UGT1A10: variants seen among roughly 807,000 people sequenced by gnomAD.
UGT1A10 encodes UDP glucuronosyltransferase family 1 member A10.
UGT1A10 carries 49 observed loss-of-function variants against 45.8 expected under a neutral mutation model. That is an observed-to-expected ratio of 1.07 (90% CI 0.85 to 1.36). The LOEUF (loss-of-function observed/expected upper bound fraction) is 1.36, where lower values mean the gene tolerates loss of function less well. Among genes scored for constraint, UGT1A10 ranks in the 40% most tolerant of loss-of-function variants. The pLI is 0.00. For missense variants in UGT1A10, 745 were observed against 668.6 expected, an observed-to-expected ratio of 1.11 and a Z score of -1.26; for synonymous variants, 284 against 249.7, an observed-to-expected ratio of 1.14 and a Z score of -1.29.
At chr2:233,671,031 C>T (rs183266242) in intron 1 of UGT1A10, among the ~76,000 whole-genome samples, 4 of 152,244 alleles carry the variant, frequency 2.6e-5, no homozygotes, top group Admixed American at 2.6e-4. Context: ...AACATACAAA[C>T]TATGTCAAAG....
chr2:233,672,520 G>T (rs2074229865), intron 1 of UGT1A10: 2 of 1,613,744 alleles, frequency 1.2e-6, no homozygotes, highest in Non-Finnish European at 1.7e-6. Context: ...AATTCTCTTA[G>T]GGTTCTCAGA....
At chr2:233,644,727 G>A (rs1444465149) in intron 1 of UGT1A10, among the ~76,000 whole-genome samples, 9 of 152,172 alleles carry the variant, frequency 5.9e-5, no homozygotes, top group Middle Eastern at 3.4e-3. Context: ...ATGCCACACC[G>A]CCACTGTGGG....
At chr2:233,742,829 C>T (rs1399868443) in intron 1 of UGT1A10, 1 of 154,656 alleles carries the variant, frequency 6.5e-6, no homozygotes, top group Non-Finnish European at 1.4e-5. Context: ...TAGATTTCAC[C>T]ACTACACACT....
chr2:233,683,230 TATC>T lies in UGT1A10; in HGVS notation c.855+45856_855+45858del, dbSNP rs1332464727. On this transcript the variant is annotated intron_variant, in intron 1 of 4. Coordinates refer to ENST00000344644, the MANE Select transcript of UGT1A10 (RefSeq NM_019075.4). ...TCTATTTTATCAATATAAAATCTAC[TATC>T]ATGCTGGCTATGTTTTTTTATGTTA... Among the ~76,000 whole-genome samples, 4 of 152,196 alleles carry T rather than the reference TATC, an allele frequency of 2.6e-5. No individual in the cohort carries two copies. In the East Asian group the frequency reaches 7.7e-4, roughly 29 times the overall value.
At chr2:233,716,309 C>T (rs2076497368) in intron 1 of UGT1A10, among the ~76,000 whole-genome samples, 1 of 152,204 alleles carries the variant, frequency 6.6e-6, no homozygotes, top group Admixed American at 6.5e-5. Flanking sequence ...GTCTCTTCCA[C>T]CTGTAATGGA....
At position 233,679,919 on chromosome 2, in the gene UGT1A10, A is replaced by C. The variant is rs572164677; in HGVS notation, c.855+42542A>C. Among the ~76,000 whole-genome samples, 18 of 152,320 alleles carry C rather than the reference A, an allele frequency of 1.2e-4. No individual in the cohort carries two copies. In the South Asian group the frequency reaches 3.7e-3, roughly 32 times the overall value. ...TAAAGTTGCATTTTCAATATGAGAC[A>C]AAAATGTATTTCACAAAAAGATGCG... On this transcript the variant is annotated intron_variant, in intron 1 of 4. Coordinates refer to ENST00000344644, the MANE Select transcript of UGT1A10 (RefSeq NM_019075.4).
intron 1 of UGT1A10, among the ~76,000 whole-genome samples, chr2:233,734,079 A>C (rs1004495311): frequency 1.5e-4 from 23 of 152,156 alleles, no homozygotes; most frequent in African/African-American, 5.6e-4. Context: ...CACATTGTGC[A>C]CATGCACCCT....
intron 1 of UGT1A10, among the ~76,000 whole-genome samples, chr2:233,722,693 G>A (rs969109813): frequency 2.0e-5 from 3 of 151,938 alleles, no homozygotes; most frequent in Admixed American, 1.3e-4. Context: ...TCTTTTCATT[G>A]CTTTTAGATA....
chr2:233,742,301 A>C (rs1405327803), intron 1 of UGT1A10, among the ~76,000 whole-genome samples: 1 of 152,018 alleles, frequency 6.6e-6, no homozygotes, highest in Admixed American at 6.5e-5. Context: ...TTATAGATTA[A>C]CTAAAAGTAT....
At chr2:233,743,354 T>C in intron 1 of UGT1A10, 1 of 972,108 alleles carries the variant, frequency 1.0e-6, no homozygotes, top group Non-Finnish European at 1.5e-6. Context: ...GACATGGACT[T>C]GAAGCTGCCT....
intron 1 of UGT1A10, chr2:233,761,087 C>G (rs141950052): frequency 6.2e-7 from 1 of 1,614,018 alleles, no homozygotes; most frequent in Non-Finnish European, 8.5e-7. Flanking sequence ...TACCCTAGGC[C>G]CATCATGCCC....
intron 1 of UGT1A10, chr2:233,712,923 A>C (rs769020830): frequency 1.1e-5 from 18 of 1,612,000 alleles, no homozygotes; most frequent in Non-Finnish European, 1.5e-5. Flanking sequence ...AAGGTAATTA[A>C]GACGAAGGAA....
intron 1 of UGT1A10, among the ~76,000 whole-genome samples, chr2:233,681,530 CAAAAAAAAAA>C (rs747693860): frequency 6.4e-5 from 5 of 77,710 alleles, no homozygotes; most frequent in Non-Finnish European, 1.3e-4. Context: ...GACTCCATCT[CAAAAAAAAAA>C]AAAAAAAAAA....
intron 1 of UGT1A10, chr2:233,692,731 C>A: frequency 1.1e-6 from 1 of 943,774 alleles, no homozygotes; most frequent in Non-Finnish European, 1.4e-6. Context: ...TATAACTTTT[C>A]AGAGAGGGAG....
chr2:233,649,167 C>T, intron 1 of UGT1A10: 1 of 472,008 alleles, frequency 2.1e-6, no homozygotes. Context: ...TTGTGCCATC[C>T]ACGTGTTTGT....
Position 233,769,666 on chromosome 2 carries a change from T to C in UGT1A10, c.1295+1227T>C. 1 of 1,592,264 alleles carries C rather than the reference T, an allele frequency of 6.3e-7. No individual in the cohort carries two copies. The highest frequency in any genetic ancestry group is 8.6e-7 in the Non-Finnish European group (1 of 1,169,428). On this transcript the variant is annotated intron_variant, in intron 4 of 4. Transcript: ENST00000344644. This position sits in a 1 kb window ranked among gnomAD's most constrained non-coding sequence, Gnocchi z 4.4. ...GATGACTGACTTCCCACCTTTGAGG[T>C]GCTAATGTGTGTGTGGTGGCACTGG...
chr2:233,637,454 A>G, intron 1 of UGT1A10, 77 bp downstream of exon 1: 2 of 1,510,746 alleles, frequency 1.3e-6, no homozygotes, highest in Non-Finnish European at 1.8e-6. Flanking sequence ...CTGAACTGTG[A>G]TTTGACATTT....
At chr2:233,695,862 A>G (rs1251510641) in intron 1 of UGT1A10, among the ~76,000 whole-genome samples, 2 of 152,224 alleles carry the variant, frequency 1.3e-5, no homozygotes, top group East Asian at 3.8e-4. Context: ...CTCACTCAAC[A>G]ACAAACAACG....
chr2:233,686,792 A>C (rs1490044288), intron 1 of UGT1A10, among the ~76,000 whole-genome samples: 2 of 149,062 alleles, frequency 1.3e-5, no homozygotes, highest in African/African-American at 5.0e-5. Context: ...TCCTCTTTCC[A>C]CCTCCCCTGT....
Sources: allele counts gnomAD v4.1 joint callset (sites outside exome capture counted in the v4.1 genomes callset), GRCh38; gene constraint gnomAD v4.1.1; non-coding constraint Gnocchi (gnomAD v3.1); transcripts MANE v1.5; gene names NCBI Gene and HGNC (gene_info 2026-07-23, HGNC 2026-07-21).